Variants in RANBP2 observed in about 807,000 individuals in gnomAD.
The protein encoded by RANBP2 is E3 SUMO-protein ligase RanBP2.
RANBP2 carries 57 observed loss-of-function variants against 303.6 expected under a neutral mutation model. The ratio of observed to expected loss-of-function variants is 0.19; its 90% CI spans 0.15 to 0.23. The LOEUF is 0.23. Ranked by LOEUF, RANBP2 falls within the 10% of genes least tolerant of loss-of-function variation. The pLI, the probability that RANBP2 is intolerant of heterozygous loss-of-function variation, is 1.00. For missense variants in RANBP2, 3,138 were observed against 3,780.8 expected (o/e 0.83, Z 4.46); for synonymous variants, 1,167 against 1,301.5 (o/e 0.90, Z 2.23).
At chr2:109,437,426 C>T in the RANBP2 span, among the ~76,000 whole-genome samples, 1 of 152,008 alleles carries the variant, frequency 6.6e-6, no homozygotes, top group Admixed American at 6.5e-5. Context: ...TATCATGTTA[C>T]CCATCCTGGC....
chr2:108,897,060 A>G, the RANBP2 span: 3 of 1,614,190 alleles, frequency 1.9e-6, no homozygotes, highest in East Asian at 2.2e-5. Flanking sequence ...TGATGCGGTC[A>G]AAGAGTTGCA....
chr2:109,004,163 G>A, the RANBP2 span, among the ~76,000 whole-genome samples: 5 of 152,192 alleles, frequency 3.3e-5, no homozygotes, highest in Non-Finnish European at 5.9e-5. Context: ...AAGAGACTTG[G>A]TCTTGTATCT....
chr2:109,012,637 A>C, the RANBP2 span, among the ~76,000 whole-genome samples: 3 of 152,116 alleles, frequency 2.0e-5, no homozygotes, highest in Non-Finnish European at 4.4e-5. Context: ...TCATTCGGCC[A>C]GGCGCGGTGG....
chr2:109,275,846 T>G, the RANBP2 span, among the ~76,000 whole-genome samples: 1 of 152,220 alleles, frequency 6.6e-6, no homozygotes, highest in African/African-American at 2.4e-5. Context: ...GATCTAGGAT[T>G]TTCCCTTCAA....
the RANBP2 span, among the ~76,000 whole-genome samples, chr2:109,196,603 C>T: frequency 6.6e-6 from 1 of 152,164 alleles, no homozygotes; most frequent in African/African-American, 2.4e-5. Flanking sequence ...TGGAGTTGGC[C>T]TTGAAACTCC....
the RANBP2 span, among the ~76,000 whole-genome samples, chr2:109,663,293 C>T: frequency 2.4e-4 from 36 of 152,298 alleles, no homozygotes; most frequent in Middle Eastern, 3.4e-3. Flanking sequence ...TACTCTGTAC[C>T]TTGTATATCT....
At chr2:109,112,752 T>C in the RANBP2 span, among the ~76,000 whole-genome samples, 1 of 152,210 alleles carries the variant, frequency 6.6e-6, no homozygotes, top group African/African-American at 2.4e-5. Flanking sequence ...TCTTCTAGGG[T>C]TTTTATGGTT....
At chr2:109,366,102 C>T in the RANBP2 span, among the ~76,000 whole-genome samples, 1 of 152,042 alleles carries the variant, frequency 6.6e-6, no homozygotes, top group Non-Finnish European at 1.5e-5. Context: ...AAAAGTGTTC[C>T]ACCTCTTCTA....
the RANBP2 span, among the ~76,000 whole-genome samples, chr2:109,634,970 T>A: frequency 6.6e-6 from 1 of 152,224 alleles, no homozygotes; most frequent in Non-Finnish European, 1.5e-5. Context: ...ACAAATAGGC[T>A]GTGGCAAAAG....
the RANBP2 span, among the ~76,000 whole-genome samples, chr2:109,670,059 C>A: frequency 0.02 from 3,075 of 152,304 alleles, 85 homozygotes; most frequent in African/African-American, 0.07. Context: ...ATGCCACAGG[C>A]TACAGCCTCC....
At chr2:109,606,324 A>G in the RANBP2 span, among the ~76,000 whole-genome samples, 26 of 152,286 alleles carry the variant, frequency 1.7e-4, no homozygotes, top group African/African-American at 5.5e-4. Context: ...CTGAGGCAGG[A>G]GAATCGTTTG....
chr2:109,169,248 A>G, the RANBP2 span, among the ~76,000 whole-genome samples: 1 of 152,224 alleles, frequency 6.6e-6, no homozygotes, highest in Non-Finnish European at 1.5e-5. Context: ...AGCATTTAAA[A>G]TCATTTGGAA....
chr2:109,117,789 C>T, the RANBP2 span, among the ~76,000 whole-genome samples: 3 of 152,156 alleles, frequency 2.0e-5, no homozygotes, highest in Non-Finnish European at 4.4e-5. Context: ...TGCTTCCACC[C>T]AGCATTTTTC....
the RANBP2 span, among the ~76,000 whole-genome samples, chr2:108,796,236 A>G: frequency 6.7e-6 from 1 of 148,588 alleles, no homozygotes; most frequent in African/African-American, 2.5e-5. Context: ...TTGTATTTTT[A>G]GTAGAGATGG....
chr2:108,809,042 T>C, the RANBP2 span, among the ~76,000 whole-genome samples: 1 of 152,188 alleles, frequency 6.6e-6, no homozygotes, highest in Non-Finnish European at 1.5e-5. Flanking sequence ...CATATGGATA[T>C]CCATTTCCTG....
At chr2:108,923,457 CG>C in the RANBP2 span, 1 of 1,613,772 alleles carries the variant, frequency 6.2e-7, no homozygotes. Flanking sequence ...GTAGTAGCTA[CG>C]GGGGAGAGAC....
chr2:108,750,157 G>A (rs1444330455), intron 9 of RANBP2, among the ~76,000 whole-genome samples: 2 of 152,166 alleles, frequency 1.3e-5, no homozygotes, highest in East Asian at 3.8e-4. Flanking sequence ...AAAACAAAAA[G>A]TGTTGGAATT....
At chr2:109,279,702 T>G in the RANBP2 span, among the ~76,000 whole-genome samples, 1 of 152,346 alleles carries the variant, frequency 6.6e-6, no homozygotes. Context: ...TTTGCAGCTC[T>G]TGCCAGCTTG....
At chr2:109,614,033 T>C in the RANBP2 span, 689 of 1,208,150 alleles carry the variant, frequency 5.7e-4, 4 homozygotes, top group East Asian at 9.7e-3. Flanking sequence ...TGGTGCGCGC[T>C]GAGCGTTTTG....
Sources: gnomAD v4.1 joint callset for allele counts (sites outside exome capture counted in the v4.1 genomes callset) on GRCh38, gnomAD v4.1.1 for gene constraint, MANE v1.5 for transcripts, NCBI Gene and HGNC (gene_info 2026-07-23, HGNC 2026-07-21) for gene names.